RASSF3: variants seen among roughly 807,000 people sequenced by gnomAD.
The protein encoded by RASSF3 is Ras association domain family member 3.
Under a neutral mutation model 19.9 loss-of-function variants are expected in RASSF3, and 19 were observed. That is an observed-to-expected ratio of 0.96 (90% CI 0.67 to 1.40). The LOEUF is 1.40. Among genes scored for constraint, RASSF3 ranks in the 40% most tolerant of loss-of-function variants. RASSF3 has a pLI of 0.00. For synonymous variants in RASSF3, 110 were observed against 104.2 expected (o/e 1.06, Z -0.34); for missense variants, 306 against 289.8 (o/e 1.06, Z -0.41).
chr12:64,672,372 G>A (rs755110506), intron 1 of RASSF3, among the ~76,000 whole-genome samples: 18 of 152,020 alleles, frequency 1.2e-4, no homozygotes, highest in Non-Finnish European at 2.1e-4. Context: ...ATTACAGGCC[G>A]GTGCCACCAT....
At chr12:64,562,705 C>T (rs1007373895) in intron 2 of RASSF3, among the ~76,000 whole-genome samples, 1 of 152,032 alleles carries the variant, frequency 6.6e-6, no homozygotes, top group African/African-American at 2.4e-5. Flanking sequence ...ACTGCAGCCT[C>T]GACCTCCTGG....
downstream of RASSF3, among the ~76,000 whole-genome samples, chr12:64,544,144 G>GTACT (rs1869007991): frequency 1.3e-5 from 2 of 152,032 alleles, no homozygotes; most frequent in African/African-American, 2.4e-5. Flanking sequence ...TCACTCTTTG[G>GTACT]GTCACACTGC....
At chr12:64,605,828 C>T (rs577688519), upstream of RASSF3, among the ~76,000 whole-genome samples, 187 of 133,814 alleles carry the variant, frequency 1.4e-3, no homozygotes, top group Non-Finnish European at 2.1e-3. Flanking sequence ...GTGGAGGTTG[C>T]GGTGAGCCGA....
At chr12:64,563,270 G>A (rs550261715) in intron 2 of RASSF3, among the ~76,000 whole-genome samples, 133 of 151,668 alleles carry the variant, frequency 8.8e-4, no homozygotes, top group African/African-American at 2.8e-3. Flanking sequence ...AGGTTCAAGC[G>A]ATTATCCTGC....
chr12:64,669,359 G>T (rs989189806), intron 1 of RASSF3, among the ~76,000 whole-genome samples: 9 of 152,082 alleles, frequency 5.9e-5, no homozygotes, highest in African/African-American at 2.2e-4. Flanking sequence ...TCTTGGCTTC[G>T]TTTTTTCCTC....
chr12:64,650,370 A>T (rs1367181609), intron 1 of RASSF3, among the ~76,000 whole-genome samples: 1 of 140,726 alleles, frequency 7.1e-6, no homozygotes, highest in Non-Finnish European at 1.5e-5. Flanking sequence ...GACCTCAGTG[A>T]TAGTTGTCCT....
intron 1 of RASSF3, among the ~76,000 whole-genome samples, chr12:64,626,714 A>G (rs891322738): frequency 2.0e-5 from 3 of 151,864 alleles, no homozygotes; most frequent in East Asian, 1.9e-4. Context: ...GGTGCATTCT[A>G]CCATGCCTGG....
At chr12:64,649,416 T>C (rs1276432961) in intron 1 of RASSF3, among the ~76,000 whole-genome samples, 2 of 152,040 alleles carry the variant, frequency 1.3e-5, no homozygotes, top group African/African-American at 4.8e-5. Context: ...ATGGTCTCAA[T>C]CTCCTGACCT....
At chr12:64,674,600 A>AGCACTG (rs2136209950) in intron 1 of RASSF3, among the ~76,000 whole-genome samples, 1 of 152,328 alleles carries the variant, frequency 6.6e-6, no homozygotes, top group South Asian at 2.1e-4. Context: ...AAAGTGTAAA[A>AGCACTG]GCACTGTTGT....
chr12:64,514,311 C>G (rs759323747), intron 1 of RASSF3, among the ~76,000 whole-genome samples: 1 of 151,066 alleles, frequency 6.6e-6, no homozygotes, highest in Non-Finnish European at 1.5e-5. Flanking sequence ...CTTAGCCTCC[C>G]GAGTAGCTGG....
At chr12:64,545,570 G>A (rs1869038822), downstream of RASSF3, among the ~76,000 whole-genome samples, 1 of 152,144 alleles carries the variant, frequency 6.6e-6, no homozygotes, top group African/African-American at 2.4e-5. Flanking sequence ...CACGTGAAAG[G>A]CGGCTTCCCA....
intron 1 of RASSF3, among the ~76,000 whole-genome samples, chr12:64,664,703 A>C (rs757978916): frequency 6.6e-6 from 1 of 152,144 alleles, no homozygotes; most frequent in African/African-American, 2.4e-5. Context: ...TTAAATTCAA[A>C]TGTATAAGAC....
At chr12:64,616,381 T>A (rs1228952655) in intron 1 of RASSF3, among the ~76,000 whole-genome samples, 1 of 152,212 alleles carries the variant, frequency 6.6e-6, no homozygotes, top group Non-Finnish European at 1.5e-5. Context: ...TGTCATACGG[T>A]TAACATTCTT....
chr12:64,547,716 A>G (rs997092811), intron 2 of RASSF3, among the ~76,000 whole-genome samples: 3 of 152,252 alleles, frequency 2.0e-5, no homozygotes, highest in Non-Finnish European at 4.4e-5. Flanking sequence ...ATTCAATACC[A>G]TGAAGAAGAT....
At chr12:64,631,959 C>G (rs1008639583) in intron 1 of RASSF3, among the ~76,000 whole-genome samples, 8 of 152,052 alleles carry the variant, frequency 5.3e-5, no homozygotes, top group Admixed American at 5.2e-4. Context: ...AAAGAGATGC[C>G]TCCCTTCGCA....
rs147085250 is a variant in RASSF3 at position 64,537,473 on chromosome 12, G to A, written c.68-4108G>A. On this transcript the variant is annotated intron_variant, in intron 1 of 1. Coordinates refer to the RASSF3 transcript ENST00000636333. ...CAAACTGTGCTCTTTCCAAAAATAG[G>A]TCACCCTCTCTCAGACTGCTCTCAG... Among the ~76,000 whole-genome samples, 8 of 152,164 alleles carry A rather than the reference G, an allele frequency of 5.3e-5. No individual in the cohort carries two copies. The East Asian group carries it at 1.4e-3, about 26-fold the overall frequency.
intron 2 of RASSF3, among the ~76,000 whole-genome samples, chr12:64,579,202 C>A (rs1188376401): frequency 2.6e-5 from 4 of 152,030 alleles, no homozygotes; most frequent in African/African-American, 9.7e-5. Context: ...AGAAAGTCTG[C>A]ACCTTTTTTC....
intron 1 of RASSF3, among the ~76,000 whole-genome samples, chr12:64,623,969 C>G (rs894135727): frequency 1.3e-5 from 2 of 150,948 alleles, no homozygotes; most frequent in African/African-American, 5.0e-5. Context: ...TTTAGAATTG[C>G]TTTCTTGCTT....
At chr12:64,571,290 T>C (rs369105516) in intron 2 of RASSF3, among the ~76,000 whole-genome samples, 3 of 152,290 alleles carry the variant, frequency 2.0e-5, no homozygotes, top group East Asian at 3.8e-4. Flanking sequence ...TGGTGCATTA[T>C]AATGACACAC....
Sources: gnomAD v4.1 joint callset for allele counts (sites outside exome capture counted in the v4.1 genomes callset) on GRCh38, gnomAD v4.1.1 for gene constraint, MANE v1.5 for transcripts, NCBI Gene and HGNC (gene_info 2026-07-23, HGNC 2026-07-21) for gene names.